The following KRT8 variants were observed in gnomAD, a reference collection of about 807,000 sequenced individuals.
The protein encoded by KRT8 is keratin, type II cytoskeletal 8.
KRT8 carries 24 observed loss-of-function variants against 43.0 expected under a neutral mutation model. The ratio of observed to expected loss-of-function variants is 0.56; its 90% CI spans 0.40 to 0.78. KRT8 has a LOEUF of 0.78. Ranked by LOEUF, KRT8 falls within the 30% of genes least tolerant of loss-of-function variation. The probability of loss-of-function intolerance (pLI) is 0.00; values close to 1 mark genes in which losing one functional copy is unlikely to be tolerated. For missense variants in KRT8, 492 were observed against 638.4 expected, an observed-to-expected ratio of 0.77 and a Z score of 2.47; for synonymous variants, 214 against 261.2, an observed-to-expected ratio of 0.82 and a Z score of 1.74.
upstream of KRT8, among the ~76,000 whole-genome samples, chr12:52,908,654 A>T (rs1941571749): frequency 6.6e-6 from 1 of 152,114 alleles, no homozygotes; most frequent in Non-Finnish European, 1.5e-5. Flanking sequence ...GAGGGGAGGA[A>T]TGGAGATGAA....
chr12:52,938,171 T>TATATATATATA (rs1350561374), intron 2 of KRT8, among the ~76,000 whole-genome samples: 43 of 29,710 alleles, frequency 1.4e-3, no homozygotes, highest in African/African-American at 2.0e-3. Flanking sequence ...TATATATATA[T>TATATATATATA]TTTTTTTTTT....
intron 5 of KRT8, 111 bp downstream of exon 5, chr12:52,899,664 C>A: frequency 5.2e-6 from 5 of 963,320 alleles, no homozygotes; most frequent in Admixed American, 4.4e-5. Context: ...AACTCCTGAA[C>A]CCTGGTCTAG....
At chr12:52,899,946 A>C (rs781254566) in exon 5 of KRT8, 1 of 1,613,304 alleles carries the variant, frequency 6.2e-7, no homozygotes, top group Non-Finnish European at 8.5e-7. Flanking sequence ...TGCGGTTGGC[A>C]ATATCCTCGT....
Position 52,901,234 on chromosome 12 carries a change from C to G in KRT8, c.534-15G>C, listed in dbSNP as rs372314834. The stretch of plus-strand genomic sequence containing the variant: ...CATCCTCATACCTGTGAGGAAAAGA[C>G]TTACAATTAGAGGATGAAGGCAAAA... On this transcript the variant is annotated splice_polypyrimidine_tract_variant and intron_variant, in intron 2 of 7. Transcript: ENST00000692008. 77 of 1,601,772 alleles carry G rather than the reference C, an allele frequency of 4.8e-5. No homozygotes were observed. The African/African-American group carries it at 8.4e-4, about 18-fold the overall frequency.
intron 2 of KRT8, chr12:52,901,626 T>C (rs1565717802): frequency 3.4e-6 from 2 of 594,796 alleles, no homozygotes; most frequent in East Asian, 2.8e-5. Flanking sequence ...CATTGACACA[T>C]AATTTGTTCT....
At chr12:52,929,165 A>G in intron 2 of KRT8, among the ~76,000 whole-genome samples, 1 of 140,442 alleles carries the variant, frequency 7.1e-6, no homozygotes, top group Admixed American at 7.3e-5. Flanking sequence ...ACCACTGACC[A>G]CTCCTCCTTC....
intron 2 of KRT8, among the ~76,000 whole-genome samples, chr12:52,912,162 C>T (rs1051936303): frequency 6.6e-6 from 1 of 152,200 alleles, no homozygotes; most frequent in Non-Finnish European, 1.5e-5. Flanking sequence ...GGACTGAGGG[C>T]GGGCACATTT....
chr12:52,940,294 G>A (rs1307212673), intron 2 of KRT8, among the ~76,000 whole-genome samples: 4 of 151,918 alleles, frequency 2.6e-5, no homozygotes, highest in East Asian at 1.9e-4. Context: ...TTAGCCGGAC[G>A]TGGTAGCTCA....
At chr12:52,912,202 T>G (rs1425781438) in intron 2 of KRT8, among the ~76,000 whole-genome samples, 1 of 152,138 alleles carries the variant, frequency 6.6e-6, no homozygotes, top group East Asian at 1.9e-4. Flanking sequence ...GTCACAGCAT[T>G]GGGCCCAAAG....
At chr12:52,922,152 T>C (rs1941898616) in intron 2 of KRT8, among the ~76,000 whole-genome samples, 1 of 122,654 alleles carries the variant, frequency 8.2e-6, no homozygotes, top group Non-Finnish European at 1.6e-5. Flanking sequence ...TGAGTAACAA[T>C]GGCACTGGGT....
chr12:52,943,155 T>C (rs1942292903), intron 2 of KRT8, among the ~76,000 whole-genome samples: 1 of 152,188 alleles, frequency 6.6e-6, no homozygotes, highest in Non-Finnish European at 1.5e-5. Flanking sequence ...CAACCGTCCA[T>C]CAGTTCTGCG....
exon 1 of KRT8, chr12:52,949,836 A>G: frequency 2.8e-6 from 2 of 703,328 alleles, no homozygotes; most frequent in Non-Finnish European, 2.6e-6. Flanking sequence ...GAGGAAGTGG[A>G]CAGCATGGAG....
rs1409961159 is a variant in KRT8, at chr12:52,918,081, A to AGGT, written c.-46-13055_-46-13054insACC. ...GAAGAAGGAGAAGAAGAAGAGGAGG[A>AGGT]GGAGGAGAAGAAGAAGAGGAAGAAG... On this transcript the variant is annotated intron_variant, in intron 2 of 6. Transcript: ENST00000546826. Among the ~76,000 whole-genome samples, 2 of 136,738 alleles carry AGGT rather than the reference A, an allele frequency of 1.5e-5. 1 individual carries two copies. The highest frequency in any genetic ancestry group is 4.4e-4 in the East Asian group (2 of 4,578). The allele number at this position is 136,738 out of a possible 152,430, so 89.7% of individuals were successfully genotyped here. A position where few individuals can be genotyped will look rare whatever the true frequency, so the allele number is the denominator to read the frequency against.
At position 52,918,186 on chromosome 12, in the gene KRT8, A is replaced by G. The variant is rs866689879; in HGVS notation, c.-46-13159T>C. ...AAGAAGAAGAAGAGGAAGAGGAAGAAGAAGAAGAAGAAGAAGAACAAGAAG... is the reference window on the plus strand; with the variant it reads ...AAGAAGAAGAAGAGGAAGAGGAAGAGGAAGAAGAAGAAGAAGAACAAGAAG... On this transcript the variant is annotated intron_variant, in intron 2 of 6. Coordinates refer to the KRT8 transcript ENST00000546826. 4.3e-3 allele frequency among the ~76,000 whole-genome samples: 489 copies of G among 112,914 alleles called. 15 individuals carry two copies. The highest frequency in any genetic ancestry group is 0.016 in the African/African-American group (408 of 24,798). The allele number at this position is 112,914 out of a possible 152,430, so 74.1% of individuals were successfully genotyped here.
intron 2 of KRT8, among the ~76,000 whole-genome samples, chr12:52,938,170 A>ATATTT (rs1555189967): frequency 1.3e-4 from 4 of 30,310 alleles, no homozygotes; most frequent in Non-Finnish European, 1.8e-4. Context: ...ATATATATAT[A>ATATTT]TTTTTTTTTT....
At chr12:52,949,777 G>T (rs1487581899) in exon 1 of KRT8, 6 of 716,798 alleles carry the variant, frequency 8.4e-6, no homozygotes, top group Middle Eastern at 2.3e-4. Flanking sequence ...GCATGGGAGG[G>T]CTCTTTCCCA....
chr12:52,904,369 G>A (rs1358248602), intron 1 of KRT8, among the ~76,000 whole-genome samples: 1 of 152,158 alleles, frequency 6.6e-6, no homozygotes, highest in Non-Finnish European at 1.5e-5. Context: ...AGGGGTGGTG[G>A]GAACTAGGCT....
upstream of KRT8, among the ~76,000 whole-genome samples, chr12:52,907,795 GGCC>G: frequency 6.6e-6 from 1 of 152,300 alleles, no homozygotes; most frequent in South Asian, 2.1e-4. Flanking sequence ...GGCCAGAGTT[GGCC>G]TCTCTGATGG....
At position 52,935,392 on chromosome 12, in the gene KRT8, A is replaced by AG. The variant is rs1320462474; in HGVS notation, c.-47+14063_-47+14064insC. ...AGACTCTGTCTCAAAAAAAAAAAAA[A>AG]AAAAAAAAAAAAAAAAAAGGCCGGG... On this transcript the variant is annotated intron_variant, in intron 2 of 6. Coordinates refer to the KRT8 transcript ENST00000546826. 1.1e-3 allele frequency among the ~76,000 whole-genome samples: 157 copies of AG among 143,168 alleles called. 13 individuals carry two copies. Among genetic ancestry groups the AG allele is most frequent in the Non-Finnish European group, 5.9e-4 (39 of 65,968 alleles). The allele number at this position is 143,168 out of a possible 152,430, so 93.9% of individuals were successfully genotyped here.
Sources: gnomAD v4.1 joint callset for allele counts (sites outside exome capture counted in the v4.1 genomes callset) on GRCh38, gnomAD v4.1.1 for gene constraint, MANE v1.5 for transcripts, NCBI Gene and HGNC (gene_info 2026-07-23, HGNC 2026-07-21) for gene names.